Variants in GPC5 observed in about 807,000 individuals in gnomAD.
The protein encoded by GPC5 is glypican-5.
Under a neutral mutation model 53.9 loss-of-function variants are expected in GPC5, and 47 were observed. The ratio of observed to expected loss-of-function variants is 0.87; its 90% CI spans 0.69 to 1.11. The LOEUF (loss-of-function observed/expected upper bound fraction) is 1.11. GPC5 is among the 50% of genes most tolerant of loss of function. The probability of loss-of-function intolerance (pLI) is 0.00; values close to 1 mark genes in which losing one functional copy is unlikely to be tolerated. For synonymous variants in GPC5, 286 were observed against 263.3 expected, an observed-to-expected ratio of 1.09 and a Z score of -0.84; for missense variants, 748 against 713.1, an observed-to-expected ratio of 1.05 and a Z score of -0.56.
At chr13:91,837,580 C>G (rs2038735808) in intron 5 of GPC5, among the ~76,000 whole-genome samples, 2 of 152,166 alleles carry the variant, frequency 1.3e-5, no homozygotes, top group African/African-American at 4.8e-5. Flanking sequence ...TAGCCTGTTG[C>G]ATTTCTAGTA....
chr13:92,299,191 C>A (rs192052217), intron 7 of GPC5, among the ~76,000 whole-genome samples: 2 of 151,836 alleles, frequency 1.3e-5, no homozygotes, highest in African/African-American at 4.8e-5. Flanking sequence ...CCTTTTTTTT[C>A]TTTTGTCCCA....
chr13:92,181,899 G>T (rs1050964143), intron 7 of GPC5, among the ~76,000 whole-genome samples: 5 of 152,174 alleles, frequency 3.3e-5, no homozygotes, highest in Non-Finnish European at 5.9e-5. Flanking sequence ...TTGAACAGAA[G>T]ATTTAAAGGA....
At chr13:91,540,739 C>A (rs138670835) in intron 2 of GPC5, among the ~76,000 whole-genome samples, 2 of 152,260 alleles carry the variant, frequency 1.3e-5, no homozygotes, top group Non-Finnish European at 2.9e-5. Context: ...TAGTTAACTG[C>A]TGTTTTTGTT....
At chr13:92,271,831 C>A (rs1261349659) in intron 7 of GPC5, among the ~76,000 whole-genome samples, 1 of 151,998 alleles carries the variant, frequency 6.6e-6, no homozygotes, top group Non-Finnish European at 1.5e-5. Context: ...TCTTATCCTC[C>A]AGTATAAATA....
intron 6 of GPC5, among the ~76,000 whole-genome samples, chr13:91,912,518 A>G (rs1238614501): frequency 6.6e-6 from 1 of 152,230 alleles, no homozygotes; most frequent in East Asian, 1.9e-4. Flanking sequence ...TTAATTATAC[A>G]TATAAATACA....
chr13:92,158,034 T>G (rs1013504981), intron 7 of GPC5, among the ~76,000 whole-genome samples: 1 of 152,204 alleles, frequency 6.6e-6, no homozygotes, highest in African/African-American at 2.4e-5. Context: ...ATCCATTATA[T>G]GGGGATTTTC....
At chr13:92,137,498 C>T (rs1029315450) in intron 6 of GPC5, among the ~76,000 whole-genome samples, 108 of 152,278 alleles carry the variant, frequency 7.1e-4, no homozygotes, top group African/African-American at 2.5e-3. Flanking sequence ...CTGGTTATAA[C>T]GATCTTAATG....
At chr13:92,144,711 G>A (rs12429836) in intron 6 of GPC5, 119 bp from the exon 7 acceptor site, 303,942 of 887,532 alleles carry the variant, frequency 0.34, 57,105 homozygotes, top group South Asian at 0.56. Flanking sequence ...ACTTGACTTG[G>A]TGTCTACACC....
At chr13:92,223,302 C>T in intron 7 of GPC5, among the ~76,000 whole-genome samples, 1 of 152,240 alleles carries the variant, frequency 6.6e-6, no homozygotes, top group East Asian at 1.9e-4. Context: ...GTAATTTTAG[C>T]TGAAAATATT....
intron 7 of GPC5, among the ~76,000 whole-genome samples, chr13:92,833,708 C>A (rs1002098107): frequency 6.6e-6 from 1 of 152,026 alleles, no homozygotes; most frequent in Non-Finnish European, 1.5e-5. Context: ...GACATTATTG[C>A]AGAAAATGCT....
chr13:91,608,590 T>C (rs2139290080), intron 2 of GPC5, among the ~76,000 whole-genome samples: 1 of 152,310 alleles, frequency 6.6e-6, no homozygotes, highest in Non-Finnish European at 1.5e-5. Flanking sequence ...AGGCATGTTA[T>C]GTAGGGGCTG....
At chr13:92,056,829 ACT>A (rs2041078368) in intron 6 of GPC5, among the ~76,000 whole-genome samples, 1 of 152,228 alleles carries the variant, frequency 6.6e-6, no homozygotes, top group African/African-American at 2.4e-5. Flanking sequence ...AAATAATGAC[ACT>A]GTTATCAAGT....
At chr13:91,470,456 G>A (rs773998764) in intron 2 of GPC5, among the ~76,000 whole-genome samples, 11 of 152,162 alleles carry the variant, frequency 7.2e-5, no homozygotes, top group African/African-American at 1.4e-4. Flanking sequence ...AGTGGGAAGC[G>A]AGATGGAAAG....
chr13:91,477,565 A>G (rs1308642220), intron 2 of GPC5, among the ~76,000 whole-genome samples: 1 of 152,196 alleles, frequency 6.6e-6, no homozygotes, highest in Non-Finnish European at 1.5e-5. Context: ...GTTTAGTTGG[A>G]CATACAAATT....
At chr13:92,244,604 C>G (rs769163633) in intron 7 of GPC5, among the ~76,000 whole-genome samples, 1 of 152,120 alleles carries the variant, frequency 6.6e-6, no homozygotes, top group Non-Finnish European at 1.5e-5. Context: ...ACTCAGAGAA[C>G]TCTGAAACAT....
At chr13:91,870,996 G>T (rs915231163) in intron 5 of GPC5, among the ~76,000 whole-genome samples, 1 of 152,120 alleles carries the variant, frequency 6.6e-6, no homozygotes, top group Non-Finnish European at 1.5e-5. Flanking sequence ...AACATCAAAT[G>T]TATTTATGTT....
intron 6 of GPC5, among the ~76,000 whole-genome samples, chr13:92,039,497 G>T (rs1300165064): frequency 6.6e-6 from 1 of 152,152 alleles, no homozygotes; most frequent in Non-Finnish European, 1.5e-5. Flanking sequence ...TGTGCTAAAG[G>T]CATAAGCAAG....
intron 7 of GPC5, among the ~76,000 whole-genome samples, chr13:92,568,585 C>T (rs1167556340): frequency 6.6e-6 from 1 of 152,114 alleles, no homozygotes; most frequent in Non-Finnish European, 1.5e-5. Context: ...TTTTATTTTA[C>T]TGACAACACT....
chr13:91,962,563 ATTAGT>A (rs917835836), intron 6 of GPC5, among the ~76,000 whole-genome samples: 5 of 152,108 alleles, frequency 3.3e-5, no homozygotes, highest in Non-Finnish European at 5.9e-5. Flanking sequence ...CAGTCTTAGT[ATTAGT>A]TTAATGTACC....
Sources: allele counts gnomAD v4.1 joint callset (sites outside exome capture counted in the v4.1 genomes callset), GRCh38; gene constraint gnomAD v4.1.1; transcripts MANE v1.5; gene names NCBI Gene and HGNC (gene_info 2026-07-23, HGNC 2026-07-21).